TBC1D5: variants seen among roughly 807,000 people sequenced by gnomAD.
TBC1D5 encodes TBC1 domain family, member 5.
In TBC1D5, 75 loss-of-function variants were observed where a neutral mutation model predicts 100.3. That is an observed-to-expected ratio of 0.75 (90% confidence interval 0.62 to 0.91). TBC1D5 has a LOEUF of 0.91. Ranked by LOEUF, TBC1D5 falls within the 40% of genes least tolerant of loss-of-function variation. The pLI, the probability that TBC1D5 is intolerant of heterozygous loss-of-function variation, is 0.00. For missense variants in TBC1D5, 910 were observed against 942.4 expected (o/e 0.97, Z 0.45); for synonymous variants, 323 against 325.6 (o/e 0.99, Z 0.09).
chr3:17,570,736 A>C (rs962609173), intron 2 of TBC1D5, among the ~76,000 whole-genome samples: 1 of 152,022 alleles, frequency 6.6e-6, no homozygotes, highest in African/African-American at 2.4e-5. Context: ...ATCATCTAGA[A>C]TCTTCAATTA....
chr3:17,404,284 A>G (rs1366281344), intron 7 of TBC1D5, among the ~76,000 whole-genome samples: 1 of 152,044 alleles, frequency 6.6e-6, no homozygotes, highest in Non-Finnish European at 1.5e-5. Context: ...ACTTCTTCAT[A>G]GACTCACTAC....
At chr3:17,320,732 AG>A (rs1188337293) in intron 13 of TBC1D5, among the ~76,000 whole-genome samples, 2 of 152,212 alleles carry the variant, frequency 1.3e-5, no homozygotes, top group Non-Finnish European at 2.9e-5. Context: ...TTTACCAAAA[AG>A]CTAGTTAGTT....
chr3:17,182,959 A>G (rs1373277230), intron 19 of TBC1D5, among the ~76,000 whole-genome samples: 1 of 151,712 alleles, frequency 6.6e-6, no homozygotes, highest in African/African-American at 2.4e-5. Context: ...CGCAATCTTT[A>G]CCTGCCCTTT....
intron 19 of TBC1D5, among the ~76,000 whole-genome samples, chr3:17,174,889 G>A (rs952490900): frequency 2.0e-5 from 3 of 152,190 alleles, no homozygotes; most frequent in Non-Finnish European, 4.4e-5. Context: ...ACCATGCCCA[G>A]CCAGAACTGT....
intron 17 of TBC1D5, among the ~76,000 whole-genome samples, chr3:17,218,149 A>G (rs1172874051): frequency 6.6e-6 from 1 of 152,054 alleles, no homozygotes; most frequent in Non-Finnish European, 1.5e-5. Flanking sequence ...CGTGCTGAAT[A>G]TCAACTTACC....
chr3:17,644,520 T>C (rs1476003288), intron 1 of TBC1D5, among the ~76,000 whole-genome samples: 2 of 152,164 alleles, frequency 1.3e-5, no homozygotes, highest in Non-Finnish European at 2.9e-5. Flanking sequence ...TAACAAATAT[T>C]AATGAGTAAG....
chr3:17,185,047 ATTGCTAGTGGCTATTAT>A, intron 19 of TBC1D5, 45 bp downstream of exon 20: 1 of 1,453,902 alleles, frequency 6.9e-7, no homozygotes, highest in African/African-American at 1.4e-5. Context: ...AGAACAAAGT[ATTGCTAGTGGCTATTAT>A]TGTGATGAGT....
intron 16 of TBC1D5, among the ~76,000 whole-genome samples, chr3:17,249,362 C>T (rs1457071989): frequency 6.6e-6 from 1 of 152,222 alleles, no homozygotes; most frequent in East Asian, 1.9e-4. Flanking sequence ...TGTAACTCTT[C>T]CTTTCACTTG....
intron 2 of TBC1D5, among the ~76,000 whole-genome samples, chr3:17,555,207 A>C (rs1302792077): frequency 1.3e-5 from 2 of 152,120 alleles, no homozygotes; most frequent in Admixed American, 1.3e-4. Flanking sequence ...TGTAATCCAA[A>C]ATGTATCTGA....
At chr3:17,189,689 C>T (rs1298017455) in intron 18 of TBC1D5, among the ~76,000 whole-genome samples, 1 of 152,218 alleles carries the variant, frequency 6.6e-6, no homozygotes, top group Admixed American at 6.5e-5. Context: ...GTTTAGATAG[C>T]TCTTTGAGAA....
chr3:17,368,922 A>G (rs1196043510), intron 13 of TBC1D5, among the ~76,000 whole-genome samples: 3 of 152,158 alleles, frequency 2.0e-5, no homozygotes, highest in Non-Finnish European at 2.9e-5. Flanking sequence ...ACCACTGTCT[A>G]TATTTTCAAG....
At chr3:17,304,927 C>T (rs762198391) in intron 14 of TBC1D5, among the ~76,000 whole-genome samples, 1 of 152,138 alleles carries the variant, frequency 6.6e-6, no homozygotes, top group Non-Finnish European at 1.5e-5. Flanking sequence ...TCTCCATATT[C>T]TTTGTTTTTA....
At chr3:17,423,367 G>T (rs1357666265) in intron 4 of TBC1D5, among the ~76,000 whole-genome samples, 1 of 151,982 alleles carries the variant, frequency 6.6e-6, no homozygotes, top group Non-Finnish European at 1.5e-5. Flanking sequence ...AATTTTTTAA[G>T]TCTCAAGTCA....
intron 9 of TBC1D5, among the ~76,000 whole-genome samples, chr3:17,377,139 G>A (rs543268456): frequency 2.2e-4 from 34 of 152,226 alleles, no homozygotes; most frequent in African/African-American, 7.9e-4. Context: ...AAGAAGGTAT[G>A]ACAGAAAATA....
intron 1 of TBC1D5, among the ~76,000 whole-genome samples, chr3:17,705,468 G>A (rs1335916200): frequency 4.0e-5 from 6 of 149,786 alleles, no homozygotes; most frequent in East Asian, 4.1e-4. Flanking sequence ...GCTGTCGGGC[G>A]GAGGGGCTCC....
chr3:17,698,873 C>T (rs1414504649), intron 1 of TBC1D5, among the ~76,000 whole-genome samples: 10 of 135,446 alleles, frequency 7.4e-5, no homozygotes, highest in Non-Finnish European at 9.5e-5. Context: ...GAATGGCAAT[C>T]ATTAAAAAGT....
intron 1 of TBC1D5, among the ~76,000 whole-genome samples, chr3:17,633,156 G>C (rs1313052852): frequency 2.6e-5 from 4 of 152,112 alleles, no homozygotes; most frequent in Admixed American, 2.0e-4. Context: ...TACTCATCCG[G>C]CCGTGCACGG....
intron 13 of TBC1D5, among the ~76,000 whole-genome samples, chr3:17,359,287 C>T (rs2091497493): frequency 6.6e-6 from 1 of 151,966 alleles, no homozygotes; most frequent in Admixed American, 6.6e-5. Context: ...ATTCAGCAGC[C>T]TTTGTCAAAG....
chr3:17,439,187 T>C (rs1173855716), intron 3 of TBC1D5, among the ~76,000 whole-genome samples: 1 of 152,150 alleles, frequency 6.6e-6, no homozygotes, highest in Non-Finnish European at 1.5e-5. Context: ...CAAGACTTCA[T>C]AAAATGTAAA....
Sources: allele counts gnomAD v4.1 joint callset (sites outside exome capture counted in the v4.1 genomes callset), GRCh38; gene constraint gnomAD v4.1.1; transcripts MANE v1.5; gene names NCBI Gene and HGNC (gene_info 2026-07-23, HGNC 2026-07-21).